Variants in NTRK2 observed in about 807,000 individuals in gnomAD.
NTRK2 encodes neurotrophic receptor tyrosine kinase 2, also known as BDNF/NT-3 growth factors receptor.
Under a neutral mutation model 94.5 loss-of-function variants are expected in NTRK2, and 13 were observed. That is an observed-to-expected ratio of 0.14 (90% CI 0.09 to 0.22). NTRK2 has a LOEUF of 0.22. Ranked by LOEUF, NTRK2 falls within the 10% of genes least tolerant of loss-of-function variation. The pLI is 1.00. For synonymous variants in NTRK2, 372 were observed against 407.4 expected, an observed-to-expected ratio of 0.91 and a Z score of 1.05; for missense variants, 639 against 1,071.2, an observed-to-expected ratio of 0.60 and a Z score of 5.63.
chr9:84,910,990 A>G (rs2077220347), intron 14 of NTRK2, among the ~76,000 whole-genome samples: 1 of 152,192 alleles, frequency 6.6e-6, no homozygotes, highest in Admixed American at 6.5e-5. Context: ...TTTGAGGAGA[A>G]TTGACATCAT....
intron 17 of NTRK2, among the ~76,000 whole-genome samples, chr9:84,999,790 G>C (rs999406127): frequency 6.6e-6 from 1 of 152,128 alleles, no homozygotes; most frequent in Non-Finnish European, 1.5e-5. Flanking sequence ...CAGCCACACT[G>C]ACTCCCACCC....
At chr9:84,723,024 T>A (rs1225270577) in intron 6 of NTRK2, among the ~76,000 whole-genome samples, 1 of 152,236 alleles carries the variant, frequency 6.6e-6, no homozygotes, top group Non-Finnish European at 1.5e-5. Flanking sequence ...AAAAATGCTT[T>A]GAAACTACAT....
intron 12 of NTRK2, among the ~76,000 whole-genome samples, chr9:84,756,956 A>G (rs1190011685): frequency 6.6e-6 from 1 of 152,232 alleles, no homozygotes; most frequent in African/African-American, 2.4e-5. Context: ...AGTCATAAAC[A>G]TAGCGGGGCC....
At chr9:84,973,794 C>T (rs1239445543) in intron 17 of NTRK2, among the ~76,000 whole-genome samples, 1 of 152,132 alleles carries the variant, frequency 6.6e-6, no homozygotes, top group Non-Finnish European at 1.5e-5. Context: ...AATCTCAAGA[C>T]TCAGGTTCAC....
At chr9:84,748,788 C>T (rs1007770342) in intron 11 of NTRK2, among the ~76,000 whole-genome samples, 17 of 152,216 alleles carry the variant, frequency 1.1e-4, no homozygotes, top group African/African-American at 3.9e-4. Flanking sequence ...ACTATGATCT[C>T]TTTCCCATGA....
chr9:84,909,529 A>G (rs566782553), intron 14 of NTRK2, among the ~76,000 whole-genome samples: 3 of 151,830 alleles, frequency 2.0e-5, no homozygotes, highest in East Asian at 1.9e-4. Context: ...GAATGACTGT[A>G]CCCTTTAACA....
At chr9:84,788,088 G>A (rs1200672309) in intron 12 of NTRK2, among the ~76,000 whole-genome samples, 1 of 152,134 alleles carries the variant, frequency 6.6e-6, no homozygotes, top group Non-Finnish European at 1.5e-5. Context: ...CATGTATCAG[G>A]TATTACTATG....
intron 12 of NTRK2, among the ~76,000 whole-genome samples, chr9:84,855,524 T>G (rs533706167): frequency 6.6e-6 from 1 of 152,080 alleles, no homozygotes; most frequent in Non-Finnish European, 1.5e-5. Flanking sequence ...CACACAATTT[T>G]AAATTTGTGC....
At chr9:84,874,302 C>A (rs1270682955) in intron 14 of NTRK2, 3 of 1,065,406 alleles carry the variant, frequency 2.8e-6, no homozygotes, top group Non-Finnish European at 3.4e-6. Context: ...AGAGATGGCA[C>A]CACCGGAGTT....
intron 12 of NTRK2, among the ~76,000 whole-genome samples, chr9:84,856,473 A>C (rs1205602999): frequency 2.0e-5 from 3 of 152,130 alleles, no homozygotes; most frequent in African/African-American, 2.4e-5. Context: ...CAACAAGGCG[A>C]ACTTTTGCAT....
intron 5 of NTRK2, among the ~76,000 whole-genome samples, chr9:84,709,021 A>G (rs2061274440): frequency 6.6e-6 from 1 of 152,268 alleles, no homozygotes. Flanking sequence ...TTTATGTCTC[A>G]ATATTCTTCT....
At chr9:84,777,926 G>A (rs752847200) in intron 12 of NTRK2, among the ~76,000 whole-genome samples, 3 of 152,158 alleles carry the variant, frequency 2.0e-5, no homozygotes, top group Non-Finnish European at 4.4e-5. Context: ...CAGCCTACAT[G>A]ATCTTTTGAA....
chr9:84,998,753 C>T (rs958459566), intron 17 of NTRK2, among the ~76,000 whole-genome samples: 18 of 152,186 alleles, frequency 1.2e-4, no homozygotes, highest in African/African-American at 4.3e-4. Flanking sequence ...ATTATTATGT[C>T]TTATAATTTG....
chr9:84,891,241 T>A lies in NTRK2; in HGVS notation c.1633+23810T>A, dbSNP rs78438440. Among the ~76,000 whole-genome samples the A allele has an allele frequency of 3.4e-3, 510 of 151,412 alleles. 4 individuals carry two copies. Among genetic ancestry groups the A allele is most frequent in the African/African-American group, 0.011 (469 of 40,992 alleles). Reference sequence around the variant, plus strand: ...GACTCAAGATGGTCAAGCTTTTTTTTAAAAAAAGTGCCAGGCCTTCCGAAA... The same window carrying A: ...GACTCAAGATGGTCAAGCTTTTTTTAAAAAAAAGTGCCAGGCCTTCCGAAA... On this transcript the variant is annotated intron_variant, in intron 14 of 18. Transcript: ENST00000277120.
At chr9:84,909,444 A>G (rs886982528) in intron 14 of NTRK2, among the ~76,000 whole-genome samples, 1 of 151,804 alleles carries the variant, frequency 6.6e-6, no homozygotes, top group Non-Finnish European at 1.5e-5. Flanking sequence ...CAGGAGTGCA[A>G]TTACTCGGTG....
intron 12 of NTRK2, among the ~76,000 whole-genome samples, chr9:84,823,483 G>A (rs2072981985): frequency 1.3e-5 from 2 of 152,250 alleles, no homozygotes; most frequent in African/African-American, 4.8e-5. Flanking sequence ...CAAGGAAAAT[G>A]AGACCTTATT....
At chr9:84,943,650 A>G (rs1190538525) in intron 15 of NTRK2, among the ~76,000 whole-genome samples, 2 of 152,196 alleles carry the variant, frequency 1.3e-5, no homozygotes, top group Non-Finnish European at 1.5e-5. Flanking sequence ...CCTGAAGAAG[A>G]GGGATTGTCA....
In NTRK2 at chr9:84,994,135, T is replaced by C. The variant is rs566816821; in HGVS notation, c.2173-26071T>C. 9.8e-4 allele frequency among the ~76,000 whole-genome samples: 149 copies of C among 152,142 alleles called. 1 individual carries two copies. The highest frequency in any genetic ancestry group is 3.5e-3 in the African/African-American group (144 of 41,524). On this transcript the variant is annotated intron_variant, in intron 17 of 18. Transcript: ENST00000277120. ...TTTCACCCACCAAGAACTATGTAGG[T>C]TCAGATTAGTCAGTGCCTGTTAAGT...
chr9:84,823,705 G>A (rs2073000410), intron 12 of NTRK2, among the ~76,000 whole-genome samples: 1 of 152,172 alleles, frequency 6.6e-6, no homozygotes, highest in African/African-American at 2.4e-5. Flanking sequence ...TTTAAGACAA[G>A]GGGAGATCCG....
Sources: allele counts gnomAD v4.1 joint callset (sites outside exome capture counted in the v4.1 genomes callset), GRCh38; gene constraint gnomAD v4.1.1; transcripts MANE v1.5; gene names NCBI Gene and HGNC (gene_info 2026-07-23, HGNC 2026-07-21).